Variants in DNAJC21 observed in about 807,000 individuals in gnomAD.
The protein encoded by DNAJC21 is dnaJ homolog subfamily C member 21.
Under a neutral mutation model 72.4 loss-of-function variants are expected in DNAJC21, and 63 were observed. That is an observed-to-expected ratio of 0.87 (90% CI 0.71 to 1.07). DNAJC21 has a LOEUF of 1.07. DNAJC21 is among the 50% of genes least tolerant of loss of function. The pLI is 0.00. For missense variants in DNAJC21, 634 were observed against 644.8 expected, an observed-to-expected ratio of 0.98 and a Z score of 0.18; for synonymous variants, 203 against 216.7, an observed-to-expected ratio of 0.94 and a Z score of 0.56.
In DNAJC21 at chr5:34,954,954, G is replaced by GTA. The variant is rs1446941369; in HGVS notation, c.*241_*242dup. ...GAATGTCTTAAAACAGGTAAATACT[G>GTA]TAAAGTGTGTATTCTTGATGTTTAT... On this transcript the variant is annotated 3_prime_UTR_variant, in exon 12 of 12. Transcript: ENST00000648817. 12 of 325,446 alleles carry GTA rather than the reference G, an allele frequency of 3.7e-5. No homozygotes were observed. Among genetic ancestry groups the GTA allele is most frequent in the Middle Eastern group, 8.9e-4 (1 of 1,118 alleles). The allele number at this position is 325,446 out of a possible 1,614,324, so 20.2% of individuals were successfully genotyped here. A position where few individuals can be genotyped will look rare whatever the true frequency, so the allele number is the denominator to read the frequency against.
intron 11 of DNAJC21, chr5:34,954,303 C>T (rs1580544126): frequency 2.1e-6 from 1 of 486,396 alleles, no homozygotes; most frequent in East Asian, 3.4e-5. Context: ...GAAGCATAAA[C>T]TCTTCCTCTT....
Position 34,929,615 on chromosome 5 carries a change from G to T in DNAJC21, c.-205G>T, listed in dbSNP as rs1764503607. 1 of 154,734 alleles carries T rather than the reference G, an allele frequency of 6.5e-6. No individual in the cohort carries two copies. Among genetic ancestry groups the T allele is most frequent in the Non-Finnish European group, 1.4e-5 (1 of 70,588 alleles). The allele number at this position is 154,734 out of a possible 1,614,324, so 9.6% of individuals were successfully genotyped here. ...GCCGCGCTCCCGCTTGCCGCAGCCTGCGTCGTCTGCCGCCACCGCGCGCCT... is the reference window on the plus strand; with the variant it reads ...GCCGCGCTCCCGCTTGCCGCAGCCTTCGTCGTCTGCCGCCACCGCGCGCCT... On this transcript the variant is annotated 5_prime_UTR_variant, in exon 1 of 12. Coordinates refer to ENST00000648817, the MANE Select transcript of DNAJC21 (RefSeq NM_001012339.3).
intron 10 of DNAJC21, 132 bp from the exon 11 acceptor site, chr5:34,953,794 A>G (rs562384161): frequency 1.9e-3 from 904 of 475,412 alleles, no homozygotes; most frequent in Non-Finnish European, 2.7e-3. Flanking sequence ...GATTATTTAA[A>G]TTGCCTTTAA....
intron 6 of DNAJC21, among the ~76,000 whole-genome samples, chr5:34,940,702 T>G (rs192185949): frequency 6.6e-6 from 1 of 152,326 alleles, no homozygotes; most frequent in African/African-American, 2.4e-5. Flanking sequence ...TAAACTAAGT[T>G]TATTAAGTAT....
At chr5:34,930,130 T>G in intron 1 of DNAJC21, 2 of 361,022 alleles carry the variant, frequency 5.5e-6, no homozygotes, top group Non-Finnish European at 5.2e-6. Flanking sequence ...CCCCATCTCC[T>G]CATACCCGCG....
chr5:34,944,611 GGGAAA>G (rs781003464), intron 7 of DNAJC21, among the ~76,000 whole-genome samples: 2 of 152,070 alleles, frequency 1.3e-5, no homozygotes, highest in Non-Finnish European at 2.9e-5. Context: ...GAGAAAGACA[GGGAAA>G]GCTGTGGTAC....
At position 34,935,756 on chromosome 5, in the gene DNAJC21, G is replaced by T. The variant is rs770403334; in HGVS notation, c.238G>T (p.Glu80Ter). The change falls in exon 3 of 12, where the codon GAA becomes TAA. Residue 80 changes from glutamate (E) to a stop codon, truncating the protein, a stop_gained. Coordinates refer to ENST00000648817, the MANE Select transcript of DNAJC21 (RefSeq NM_001012339.3). LOFTEE classifies it high-confidence loss of function. ...CCTACTTAAAGGTGGGTTTGATGGC[G>T]AATATCAAGATGACAGCTTAGATTT... ...EALLKGGFDG[E>*]YQDDSLDLLR... The T allele has an allele frequency of 6.2e-7, 1 of 1,613,934 alleles. No individual in the cohort carries two copies. The highest frequency in any genetic ancestry group is 2.2e-5 in the East Asian group (1 of 44,846).
rs1019956081 is a variant in DNAJC21, at chr5:34,941,051, T to C, written c.896-45T>C. 3 of 1,429,078 alleles carry C rather than the reference T, an allele frequency of 2.1e-6. No individual in the cohort carries two copies. The Admixed American group carries it at 5.6e-5, about 27-fold the overall frequency. 88.5% of individuals were successfully genotyped at this position (1,429,078 alleles called of 1,614,324 possible). On this transcript the variant is annotated intron_variant, in intron 6 of 11. Coordinates refer to ENST00000648817, the MANE Select transcript of DNAJC21 (RefSeq NM_001012339.3). ...AATTTGTTAGCATATTTTAGATTTG[T>C]GCTCTGATCAAAGAGGGTTCTTACT...
chr5:34,935,860 T>A (rs1561181831), intron 3 of DNAJC21, 27 bp downstream of exon 3: 1 of 1,612,974 alleles, frequency 6.2e-7, no homozygotes, highest in East Asian at 2.2e-5. Context: ...CACCCTTGAT[T>A]TCTCATCAAG....
At chr5:34,950,111 A>G in intron 9 of DNAJC21, 59 bp from the exon 10 acceptor site, 2 of 1,507,706 alleles carry the variant, frequency 1.3e-6, no homozygotes, top group Non-Finnish European at 1.8e-6. Flanking sequence ...AACATAACAT[A>G]AAAAGCTAGT....
chr5:34,949,704 GTCTT>G (rs1210002702), intron 9 of DNAJC21: 1 of 1,611,846 alleles, frequency 6.2e-7, no homozygotes, highest in Non-Finnish European at 8.5e-7. Flanking sequence ...TTTGCCAGGC[GTCTT>G]TCTTTTATAA....
intron 6 of DNAJC21, among the ~76,000 whole-genome samples, chr5:34,939,439 G>T (rs1376229177): frequency 6.6e-6 from 1 of 151,722 alleles, no homozygotes; most frequent in East Asian, 1.9e-4. Context: ...CTAATTTTTT[G>T]TATTTTTAGT....
At position 34,940,389 on chromosome 5, in the gene DNAJC21, A is replaced by G. The variant is rs73080675; in HGVS notation, c.896-707A>G. On this transcript the variant is annotated intron_variant, in intron 6 of 11. Coordinates refer to ENST00000648817, the MANE Select transcript of DNAJC21 (RefSeq NM_001012339.3). ...GAGACAGTCCTTCAAAATCATACTG[A>G]CATCACTTATAAATAACCAACATGT... 2.9e-3 allele frequency among the ~76,000 whole-genome samples: 440 copies of G among 152,328 alleles called. 1 individual carries two copies. The highest frequency in any genetic ancestry group is 0.01 in the African/African-American group (423 of 41,570).
At chr5:34,950,818 A>G in intron 10 of DNAJC21, 1 of 986,234 alleles carries the variant, frequency 1.0e-6, no homozygotes, top group Non-Finnish European at 1.2e-6. Flanking sequence ...GTGCTGCACA[A>G]GGCCATGGTG....
In DNAJC21 at chr5:34,954,854, C is replaced by CT. The variant is rs1430574561; in HGVS notation, c.*146dup. On this transcript the variant is annotated 3_prime_UTR_variant, in exon 12 of 12. Coordinates refer to ENST00000648817, the MANE Select transcript of DNAJC21 (RefSeq NM_001012339.3). ...GATTATTTTTTATCTTGTAAAAACACTTTTTTGGTTTAATATATATTTTTA... is the reference window on the plus strand; with the variant it reads ...GATTATTTTTTATCTTGTAAAAACACTTTTTTTGGTTTAATATATATTTTTA... 1.9e-6 allele frequency: 2 copies of CT among 1,026,078 alleles called. No homozygotes were observed. The highest frequency in any genetic ancestry group is 2.7e-6 in the Non-Finnish European group (2 of 752,472). The allele number at this position is 1,026,078 out of a possible 1,614,324, so 63.6% of individuals were successfully genotyped here.
Position 34,932,383 on chromosome 5 carries a change from T to C in DNAJC21, c.98-1432T>C, listed in dbSNP as rs983277958. On this transcript the variant is annotated intron_variant, in intron 1 of 11. Transcript: ENST00000648817. ...TTGCAGTGAGCCAAGATCGCGCCAC[T>C]GCACTCCAGCCTGGTGACAGAGCGA... Among the ~76,000 whole-genome samples the C allele has an allele frequency of 4.8e-5, 7 of 145,148 alleles. No individual in the cohort carries two copies. In the Admixed American group the frequency reaches 5.0e-4, roughly 10 times the overall value.
rs770282904 is a variant in DNAJC21, at chr5:34,938,907, G to T, written c.793G>T (p.Glu265Ter). 2.5e-6 allele frequency: 4 copies of T among 1,614,174 alleles called. No homozygotes were observed. Among genetic ancestry groups the T allele is most frequent in the South Asian group, 2.2e-5 (2 of 91,072 alleles). ...GAGCTGGATGACTATGGCCAATTTG[G>T]AGAAAGAGCTCCAGGAGATGGAGGC... ...EQSWMTMANLEKELQEMEARY... is the reference protein window; with the variant it reads ...EQSWMTMANL Residue 265 changes from glutamate to a stop codon, truncating the protein, a stop_gained, in exon 6 of 12, where the codon GAG (glutamate) becomes TAG (stop). Transcript: ENST00000648817. LOFTEE classifies it high-confidence loss of function.
At chr5:34,935,281 G>T (rs1401816423) in intron 2 of DNAJC21, among the ~76,000 whole-genome samples, 2 of 152,194 alleles carry the variant, frequency 1.3e-5, no homozygotes, top group Non-Finnish European at 2.9e-5. Flanking sequence ...TTGTGTGTGT[G>T]TGAAGCTCCT....
At chr5:34,949,514 A>G in intron 9 of DNAJC21, 1 of 1,551,788 alleles carries the variant, frequency 6.4e-7, no homozygotes, top group Non-Finnish European at 8.7e-7. Context: ...GAGTGTGAGT[A>G]TTGTGCCAGA....
Sources: gnomAD v4.1 joint callset for allele counts (sites outside exome capture counted in the v4.1 genomes callset) on GRCh38, gnomAD v4.1.1 for gene constraint, MANE v1.5 for transcripts, NCBI Gene and HGNC (gene_info 2026-07-23, HGNC 2026-07-21) for gene names.